SAV1: variants seen among roughly 807,000 people sequenced by gnomAD.
The protein encoded by SAV1 is salvador family WW domain containing protein 1, also known as protein salvador homolog 1.
SAV1 carries 23 observed loss-of-function variants against 47.3 expected under a neutral mutation model. That is an observed-to-expected ratio of 0.49 (90% CI 0.35 to 0.69). The LOEUF (loss-of-function observed/expected upper bound fraction) is 0.69. SAV1 is among the 30% of genes least tolerant of loss of function. SAV1 has a pLI of 0.01. For synonymous variants in SAV1, 155 were observed against 159.2 expected (o/e 0.97, Z 0.20); for missense variants, 448 against 457.4 (o/e 0.98, Z 0.19).
intron 4 of SAV1, among the ~76,000 whole-genome samples, chr14:50,640,402 G>A (rs2039671781): frequency 6.6e-6 from 1 of 152,162 alleles, no homozygotes; most frequent in African/African-American, 2.4e-5. Context: ...TTACAGGTGT[G>A]AGCCACTGTG....
intron 2 of SAV1, among the ~76,000 whole-genome samples, chr14:50,663,824 C>T (rs1181301284): frequency 6.6e-6 from 1 of 152,188 alleles, no homozygotes; most frequent in Non-Finnish European, 1.5e-5. Context: ...TGTGCAAGAG[C>T]TTCCACTTGA....
chr14:50,635,958 C>A (rs2039631507), intron 4 of SAV1, among the ~76,000 whole-genome samples: 1 of 152,202 alleles, frequency 6.6e-6, no homozygotes, highest in African/African-American at 2.4e-5. Flanking sequence ...TCGCCCACCT[C>A]AGCCTCCCAA....
intron 4 of SAV1, among the ~76,000 whole-genome samples, chr14:50,640,419 C>A (rs2039671934): frequency 6.6e-6 from 1 of 152,126 alleles, no homozygotes; most frequent in Admixed American, 6.5e-5. Context: ...TGTGCCAAGC[C>A]CAGGTCCTTA....
chr14:50,667,886 G>A lies in SAV1; in HGVS notation c.82C>T (p.Pro28Ser). The change falls in exon 1 of 5, where the codon CCT becomes TCT. Residue 28 changes from proline (P) to serine (S), a missense_variant. Coordinates refer to ENST00000324679, the MANE Select transcript of SAV1 (RefSeq NM_021818.4). ...QGKYVKKETSPLLRNLMPSFI... is the reference protein window; with the variant it reads ...QGKYVKKETSSLLRNLMPSFI... ...GCCTGACACTCACTCCGAAGCAGAG[G>A]CGACGTCTCCTTCTTCACGTACTTC... 5 of 1,613,212 alleles carry A rather than the reference G, an allele frequency of 3.1e-6. No homozygotes were observed. The highest frequency in any genetic ancestry group is 4.2e-6 in the Non-Finnish European group (5 of 1,179,444).
At chr14:50,660,088 G>A (rs1353669290) in intron 2 of SAV1, among the ~76,000 whole-genome samples, 2 of 152,112 alleles carry the variant, frequency 1.3e-5, no homozygotes, top group Admixed American at 1.3e-4. Context: ...ACTGGTCTTC[G>A]AGATATTTTT....
At chr14:50,646,150 T>C (rs2039719599) in intron 2 of SAV1, among the ~76,000 whole-genome samples, 1 of 152,206 alleles carries the variant, frequency 6.6e-6, no homozygotes. Context: ...ACCCTGTGTA[T>C]GCTGTGTATT....
At chr14:50,645,378 C>G (rs1310408714) in intron 2 of SAV1, among the ~76,000 whole-genome samples, 1 of 152,098 alleles carries the variant, frequency 6.6e-6, no homozygotes, top group East Asian at 1.9e-4. Context: ...AATTCCACAC[C>G]TGACCTTATG....
chr14:50,635,317 T>G lies in SAV1; in HGVS notation c.1018A>C (p.Lys340Gln). Reference protein sequence around the residue: ...ADLDTYQGMLKLLFMKELEQI... With the variant: ...ADLDTYQGMLQLLFMKELEQI... ...TCCAATTCTTTCATGAAGAGCAACT[T>G]TAGCATTCCCTGGTATGTATCCAGG... Residue 340 changes from lysine (K) to glutamine (Q), a missense_variant, in exon 5 of 5, where the codon AAG becomes CAG. Physicochemically the swap from Lys to Gln is moderately conservative, Grantham distance 53 (BLOSUM62 1). Coordinates refer to ENST00000324679, the MANE Select transcript of SAV1 (RefSeq NM_021818.4). The G allele has an allele frequency of 6.2e-7, 1 of 1,614,172 alleles. No homozygotes were observed. The highest frequency in any genetic ancestry group is 8.5e-7 in the Non-Finnish European group (1 of 1,180,014).
chr14:50,640,886 G>T lies in SAV1; in HGVS notation c.814C>A (p.Arg272=). The T allele has an allele frequency of 1.2e-6, 2 of 1,607,228 alleles. No individual in the cohort carries two copies. The highest frequency in any genetic ancestry group is 1.7e-6 in the Non-Finnish European group (2 of 1,176,826). ...YRHPCAPSVP[R]YDQPPPVTYQ... ...GTGACAGGAGGTGGTTGATCATACCGAGGTACACTAAGAAGAAAGGAGTGA... is the reference window on the plus strand; with the variant it reads ...GTGACAGGAGGTGGTTGATCATACCTAGGTACACTAAGAAGAAAGGAGTGA... Residue 272 remains arginine, a synonymous_variant, in exon 4 of 5, where the codon CGG becomes AGG. Coordinates refer to ENST00000324679, the MANE Select transcript of SAV1 (RefSeq NM_021818.4).
At chr14:50,641,461 G>C (rs1026184295) in intron 3 of SAV1, among the ~76,000 whole-genome samples, 1 of 151,994 alleles carries the variant, frequency 6.6e-6, no homozygotes, top group African/African-American at 2.4e-5. Flanking sequence ...ATATTATATG[G>C]GAAAGTGTAA....
chr14:50,649,284 G>A (rs1403375374), intron 2 of SAV1, among the ~76,000 whole-genome samples: 4 of 152,112 alleles, frequency 2.6e-5, no homozygotes, highest in Non-Finnish European at 5.9e-5. Flanking sequence ...TTTAACTTAT[G>A]TAATTTTAGT....
intron 1 of SAV1, among the ~76,000 whole-genome samples, chr14:50,665,954 T>A (rs1461784767): frequency 6.6e-6 from 1 of 152,206 alleles, no homozygotes; most frequent in African/African-American, 2.4e-5. Flanking sequence ...CATGAATTAA[T>A]GTATAAAAAT....
chr14:50,645,833 G>A (rs966783697), intron 2 of SAV1, among the ~76,000 whole-genome samples: 2 of 152,062 alleles, frequency 1.3e-5, no homozygotes, highest in African/African-American at 4.8e-5. Flanking sequence ...TAAGGTAGCA[G>A]GGTTAAGGTC....
rs149710149 is a variant in SAV1, at chr14:50,634,534, AGAGATG to A, written c.*643_*648del. ...CGGCTAATTTTTTTGTATTTTTTGT[AGAGATG>A]GGGCTTCACCATGTTGCCCAGGCTG... On this transcript the variant is annotated 3_prime_UTR_variant, in exon 5 of 5. Coordinates refer to ENST00000324679, the MANE Select transcript of SAV1 (RefSeq NM_021818.4). The A allele has an allele frequency of 0.16, 25,881 of 164,870 alleles. 2,356 individuals carry two copies. Among genetic ancestry groups the A allele is most frequent in the Non-Finnish European group, 0.2 (15,293 of 75,762 alleles). 10.2% of individuals were successfully genotyped at this position (164,870 alleles called of 1,614,324 possible).
intron 2 of SAV1, among the ~76,000 whole-genome samples, chr14:50,661,236 C>T (rs964437620): frequency 2.0e-5 from 3 of 152,158 alleles, no homozygotes; most frequent in African/African-American, 7.2e-5. Context: ...TTTCACATAC[C>T]TTTTGGCCAT....
chr14:50,642,186 CA>C (rs2039685725), intron 3 of SAV1, among the ~76,000 whole-genome samples: 1 of 152,100 alleles, frequency 6.6e-6, no homozygotes, highest in Non-Finnish European at 1.5e-5. Flanking sequence ...GAACAATAAA[CA>C]TTGAGGCCTA....
Position 50,668,024 on chromosome 14 carries a change from GCGCCGGCCGTCTCCGCCGCCACCTC to G in SAV1, c.-82_-58del, listed in dbSNP as rs967037275. ...CTGCCTCCCTAGGGCTCCGCGCCGGGCGCCGGCCGTCTCCGCCGCCACCTCCGCCGGCGCCGCCGCCTCCTTCCCT... is the reference window on the plus strand; with the variant it reads ...CTGCCTCCCTAGGGCTCCGCGCCGGGCGCCGGCGCCGCCGCCTCCTTCCCT... On this transcript the variant is annotated 5_prime_UTR_variant, in exon 1 of 5. An upstream open reading frame in the 5' UTR loses its in-frame stop. Coordinates refer to ENST00000324679, the MANE Select transcript of SAV1 (RefSeq NM_021818.4). The G allele has an allele frequency of 1.4e-5, 19 of 1,339,808 alleles. No individual in the cohort carries two copies. Among genetic ancestry groups the G allele is most frequent in the Non-Finnish European group, 1.7e-5 (17 of 1,014,726 alleles). The allele number at this position is 1,339,808 out of a possible 1,614,324, so 83.0% of individuals were successfully genotyped here.
intron 2 of SAV1, among the ~76,000 whole-genome samples, chr14:50,646,547 G>C (rs899240919): frequency 6.6e-6 from 1 of 152,056 alleles, no homozygotes; most frequent in Admixed American, 6.6e-5. Context: ...TTAGCCGGGC[G>C]TGGTGGCGGA....
In SAV1 at chr14:50,665,441, G is replaced by A. The variant is rs778038194; in HGVS notation, c.273C>T (p.Asn91=). ...TPHEIMRRES[N]RLSAPSYLAR... is the part of the protein sequence containing the mutation. Reference sequence around the variant, plus strand: ...CAAGATAAGAAGGTGCAGATAATCTGTTGCTTTCTCTTCTCATTATTTCAT... The same window carrying A: ...CAAGATAAGAAGGTGCAGATAATCTATTGCTTTCTCTTCTCATTATTTCAT... Residue 91 remains asparagine (N), a synonymous_variant, in exon 2 of 5, where the codon AAC becomes AAT. Coordinates refer to ENST00000324679, the MANE Select transcript of SAV1 (RefSeq NM_021818.4). 1.9e-6 allele frequency: 3 copies of A among 1,613,536 alleles called. No individual in the cohort carries two copies. Among genetic ancestry groups the A allele is most frequent in the Non-Finnish European group, 2.5e-6 (3 of 1,179,704 alleles).
Sources: allele counts gnomAD v4.1 joint callset (sites outside exome capture counted in the v4.1 genomes callset), GRCh38; gene constraint gnomAD v4.1.1; transcripts MANE v1.5; gene names NCBI Gene and HGNC (gene_info 2026-07-23, HGNC 2026-07-21).